CDC25A: variants seen among roughly 807,000 people sequenced by gnomAD.
CDC25A encodes M-phase inducer phosphatase 1.
Under a neutral mutation model 64.6 loss-of-function variants are expected in CDC25A, and 17 were observed. The ratio of observed to expected loss-of-function variants is 0.26; its 90% CI spans 0.18 to 0.39. The LOEUF (loss-of-function observed/expected upper bound fraction) is 0.39. CDC25A is among the 10% of genes least tolerant of loss of function. The pLI is 1.00. For synonymous variants in CDC25A, 229 were observed against 238.6 expected (o/e 0.96, Z 0.37); for missense variants, 473 against 654.8 (o/e 0.72, Z 3.03).
intron 8 of CDC25A, chr3:48,174,687 G>C: frequency 5.5e-6 from 2 of 362,936 alleles, no homozygotes; most frequent in Non-Finnish European, 4.9e-6. Context: ...ATATAGAGAT[G>C]AGCAAAACGT....
rs3792570 is a variant in CDC25A at position 48,181,893 on chromosome 3, A to T, written c.429+1036T>A. ...ATTAACTTTTTAACCATCAAATACA[A>T]CCTGATTGTCCCGATTTTACAGGTG... is the stretch of plus-strand genomic sequence containing the variant. On this transcript the variant is annotated intron_variant, in intron 5 of 14. Transcript: ENST00000302506. 6.4e-3 allele frequency among the ~76,000 whole-genome samples: 972 copies of T among 152,192 alleles called. 90 individuals are homozygous for T. In the East Asian group the frequency reaches 0.16, roughly 26 times the overall value.
chr3:48,181,791 C>CAAAAA, intron 5 of CDC25A: 1 of 448,972 alleles, frequency 2.2e-6, no homozygotes, highest in South Asian at 2.8e-5. Flanking sequence ...CATGAAGAAT[C>CAAAAA]AAAAAAAAAA....
intron 9 of CDC25A, among the ~76,000 whole-genome samples, chr3:48,173,080 G>A (rs935340050): frequency 4.0e-5 from 6 of 151,704 alleles, no homozygotes; most frequent in African/African-American, 7.3e-5. Flanking sequence ...TTAGCCAGGC[G>A]TGGTGGCGGG....
chr3:48,161,628 G>T (rs751470190), intron 13 of CDC25A, among the ~76,000 whole-genome samples: 3 of 152,070 alleles, frequency 2.0e-5, no homozygotes, highest in Non-Finnish European at 4.4e-5. Context: ...AGAATCACTT[G>T]AGCCTGGGAG....
At chr3:48,181,285 G>GA (rs58985893) in intron 5 of CDC25A, among the ~76,000 whole-genome samples, 87 of 130,968 alleles carry the variant, frequency 6.6e-4, no homozygotes, top group Admixed American at 1.0e-3. Flanking sequence ...TAAAAGCAAT[G>GA]AAAAAAAAAA....
chr3:48,176,517 A>ATG (rs1219755603), intron 8 of CDC25A, among the ~76,000 whole-genome samples: 5 of 110,526 alleles, frequency 4.5e-5, no homozygotes, highest in Non-Finnish European at 7.2e-5. Flanking sequence ...TATACTGTGT[A>ATG]TGTGTGTGTG....
At position 48,168,620 on chromosome 3, in the gene CDC25A, C is replaced by CTTT. The variant is rs35535424; in HGVS notation, c.931-679_931-677dup. On this transcript the variant is annotated intron_variant, in intron 9 of 14. Transcript: ENST00000302506. ...TAAGTTTAGAAAAAGTATGTCTTAA[C>CTTT]TTTTTTTTTTTTTTTTTTTTAAAAA... Among the ~76,000 whole-genome samples, 239 of 135,436 alleles carry CTTT rather than the reference C, an allele frequency of 1.8e-3. 2 individuals carry two copies. The highest frequency in any genetic ancestry group is 6.0e-3 in the African/African-American group (218 of 36,490). The allele number at this position is 135,436 out of a possible 152,430, so 88.9% of individuals were successfully genotyped here.
At chr3:48,165,096 G>A (rs3731549) in intron 12 of CDC25A, among the ~76,000 whole-genome samples, 1,710 of 94,470 alleles carry the variant, frequency 0.018, 25 homozygotes, top group Middle Eastern at 0.039. Flanking sequence ...GCGACAGAGC[G>A]GACTCTGTCT....
Position 48,167,892 on chromosome 3 carries a change from T to G in CDC25A, c.983A>C (p.Asn328Thr). 6.2e-7 allele frequency: 1 copy of G among 1,611,030 alleles called. No homozygotes were observed. The highest frequency in any genetic ancestry group is 8.5e-7 in the Non-Finnish European group (1 of 1,177,256). Residue 328 changes from asparagine (N) to threonine (T), a missense_variant, in exon 10 of 15, where the codon AAC becomes ACC. By Grantham distance (65) the Asn-to-Thr change is moderately conservative. This residue lies in a region of CDC25A where 376 missense variants were observed against 431.9 expected (regional missense o/e 0.87). Coordinates refer to ENST00000302506, the MANE Select transcript of CDC25A (RefSeq NM_001789.3). ...GTCCCTTGGGTCATTGTCCAAAATG[T>G]TCTCAATGGTTCCTTTGGGGGAAGA... ...LASSPKGTIENILDNDPRDLI... is the reference protein window; with the variant it reads ...LASSPKGTIETILDNDPRDLI...
rs772493975 is a variant in CDC25A at position 48,187,892 on chromosome 3, G to T, written c.56C>A (p.Pro19His). The T allele has an allele frequency of 1.3e-6, 2 of 1,545,220 alleles. No individual in the cohort carries two copies. The highest frequency in any genetic ancestry group is 2.4e-5 in the South Asian group (2 of 83,886). The part of the protein sequence containing the change: ...HRRRLLFACS[P>H]PPASQPVVKA... ...CACGACGGGCTGCGACGCGGGAGGG[G>T]GGCTGCAGGCGAAGAGCAGGCGGCG... Residue 19 changes from proline to histidine, a missense_variant, in exon 1 of 15, where the codon CCC (proline) becomes CAC (histidine). Transcript: ENST00000302506.
intron 6 of CDC25A, among the ~76,000 whole-genome samples, chr3:48,180,076 G>A (rs2032606211): frequency 6.6e-6 from 1 of 152,082 alleles, no homozygotes; most frequent in Non-Finnish European, 1.5e-5. Context: ...AGCATTCACT[G>A]TAATCCATAA....
Position 48,180,719 on chromosome 3 carries a change from A to C in CDC25A, c.549+2T>G. 6.2e-7 allele frequency: 1 copy of C among 1,614,016 alleles called. No homozygotes were observed. Among genetic ancestry groups the C allele is most frequent in the Non-Finnish European group, 8.5e-7 (1 of 1,179,922 alleles). Reference sequence around the variant, plus strand: ...TTCCCCTATGAAAGCCAGAGCACATACCATCCGAGCTGGGGCAGAGTTCTG... The same window carrying C: ...TTCCCCTATGAAAGCCAGAGCACATCCCATCCGAGCTGGGGCAGAGTTCTG... On this transcript the variant is annotated splice_donor_variant, in intron 6 of 14. Transcript: ENST00000302506. LOFTEE classifies it high-confidence loss of function.
Position 48,183,660 on chromosome 3 carries a change from G to A in CDC25A, c.327+140C>T, listed in dbSNP as rs143289880. 530 of 582,994 alleles carry A rather than the reference G, an allele frequency of 9.1e-4. 1 individual carries two copies. The highest frequency in any genetic ancestry group is 8.8e-3 in the African/African-American group (472 of 53,614). 36.1% of individuals were successfully genotyped at this position (582,994 alleles called of 1,614,324 possible). The stretch of plus-strand genomic sequence containing the variant: ...TTTGCCACTGCACTCCAGCCTGGGT[G>A]ACAGAGCAAGACCTTGTCTCAAAAG... On this transcript the variant is annotated intron_variant, in intron 4 of 14. Coordinates refer to ENST00000302506, the MANE Select transcript of CDC25A (RefSeq NM_001789.3).
intron 14 of CDC25A, 124 bp downstream of exon 14, chr3:48,159,220 G>A: frequency 7.8e-7 from 1 of 1,284,980 alleles, no homozygotes; most frequent in Non-Finnish European, 1.1e-6. Flanking sequence ...GGCTTTCTTT[G>A]GGTTCAGCAG....
At chr3:48,159,533 T>A in intron 13 of CDC25A, 78 bp from the exon 14 acceptor site, 1 of 951,558 alleles carries the variant, frequency 1.1e-6, no homozygotes, top group Non-Finnish European at 1.7e-6. Flanking sequence ...AAGCAGCAGT[T>A]GTGGTCTAAG....
rs535862051 is a variant in CDC25A, at chr3:48,157,216, T to C, written c.*1729A>G. The C allele has an allele frequency of 6.6e-6, 1 of 152,282 alleles. No homozygotes were observed. The highest frequency in any genetic ancestry group is 1.9e-4 in the East Asian group (1 of 5,186). The allele number at this position is 152,282 out of a possible 1,614,324, so 9.4% of individuals were successfully genotyped here. A position where few individuals can be genotyped will look rare whatever the true frequency, so the allele number is the denominator to read the frequency against. On this transcript the variant is annotated 3_prime_UTR_variant, in exon 15 of 15. Transcript: ENST00000302506. ...CTTTTATTTTCAGAGCTTCCAACAG[T>C]TGGTTAGTAATGCTAGCTAAGCTGG...
chr3:48,162,613 C>T (rs1475397794), intron 13 of CDC25A, among the ~76,000 whole-genome samples: 4 of 151,490 alleles, frequency 2.6e-5, no homozygotes, highest in East Asian at 1.9e-4. Flanking sequence ...TTTGGGAGGC[C>T]GAGACGGGCA....
At chr3:48,184,101 CAGCACTATG>C (rs1245648170) in intron 3 of CDC25A, among the ~76,000 whole-genome samples, 1 of 152,110 alleles carries the variant, frequency 6.6e-6, no homozygotes, top group Non-Finnish European at 1.5e-5. Context: ...CATGTAATCC[CAGCACTATG>C]GGCACTATGG....
At chr3:48,177,089 T>C (rs188520817) in intron 8 of CDC25A, among the ~76,000 whole-genome samples, 2 of 152,300 alleles carry the variant, frequency 1.3e-5, no homozygotes, top group East Asian at 3.9e-4. Context: ...AAGTAAAGTA[T>C]TCAGGCTAAA....
Sources: allele counts gnomAD v4.1 joint callset (sites outside exome capture counted in the v4.1 genomes callset), GRCh38; gene constraint gnomAD v4.1.1; regional missense constraint gnomAD v4.1.1; transcripts MANE v1.5; gene names NCBI Gene and HGNC (gene_info 2026-07-23, HGNC 2026-07-21).